The following FAM114A1 variants were observed in gnomAD, a reference collection of about 807,000 sequenced individuals.
The protein encoded by FAM114A1 is family with sequence similarity 114 member A1.
A neutral mutation model predicts 64.3 loss-of-function variants in FAM114A1; 62 were observed. That is an observed-to-expected ratio of 0.96 (90% CI 0.79 to 1.19). The LOEUF (loss-of-function observed/expected upper bound fraction) is 1.19, where lower values mean the gene tolerates loss of function less well. Ranked by LOEUF, FAM114A1 falls within the 50% of genes most tolerant of loss-of-function variation. The pLI is 0.00. For missense variants in FAM114A1, 645 were observed against 676.3 expected (o/e 0.95, Z 0.51); for synonymous variants, 254 against 251.1 (o/e 1.01, Z -0.11).
At chr4:38,869,616 C>G (rs903883806) in intron 2 of FAM114A1, among the ~76,000 whole-genome samples, 3 of 152,174 alleles carry the variant, frequency 2.0e-5, no homozygotes, top group African/African-American at 7.2e-5. Flanking sequence ...GGTACGTAGA[C>G]TTGTCAAGCT....
chr4:38,933,063 A>G (rs1014589732), intron 12 of FAM114A1, among the ~76,000 whole-genome samples: 1 of 152,104 alleles, frequency 6.6e-6, no homozygotes, highest in African/African-American at 2.4e-5. Flanking sequence ...CATGTTGGCC[A>G]GGATGGTCTC....
At chr4:38,879,438 T>G (rs1398447825) in intron 3 of FAM114A1, among the ~76,000 whole-genome samples, 1 of 152,222 alleles carries the variant, frequency 6.6e-6, no homozygotes, top group Non-Finnish European at 1.5e-5. Flanking sequence ...CTAATGTCTC[T>G]GCGCTTCAGG....
At chr4:38,903,531 T>C (rs971048805) in intron 4 of FAM114A1, among the ~76,000 whole-genome samples, 1 of 152,166 alleles carries the variant, frequency 6.6e-6, no homozygotes. Flanking sequence ...AGGTTGAGAT[T>C]TGGAGGCACA....
chr4:38,867,986 A>G (rs761049017), intron 1 of FAM114A1, 152 bp downstream of exon 1: 2 of 388,910 alleles, frequency 5.1e-6, no homozygotes, highest in African/African-American at 2.2e-5. Flanking sequence ...AGCAGTGGTC[A>G]GGGAGGACCC....
rs1022518258 is a variant in FAM114A1, at chr4:38,910,261, G to A, written c.792+1535G>A. On this transcript the variant is annotated intron_variant, in intron 7 of 14. Coordinates refer to ENST00000358869, the MANE Select transcript of FAM114A1 (RefSeq NM_138389.4). ...CTCAAAAAAAAAAAAGAAGAGAAAG[G>A]AAAATAGATTAGTATTAGTTAGGTA... 7.9e-5 allele frequency among the ~76,000 whole-genome samples: 12 copies of A among 152,004 alleles called. No homozygotes were observed. The East Asian group carries it at 2.3e-3, about 29-fold the overall frequency.
intron 13 of FAM114A1, among the ~76,000 whole-genome samples, chr4:38,937,778 AGGCTGGAGTGCAGT>A (rs1361649354): frequency 6.6e-6 from 1 of 152,122 alleles, no homozygotes; most frequent in Non-Finnish European, 1.5e-5. Context: ...TCTGTCGCCC[AGGCTGGAGTGCAGT>A]GGCGCGATCT....
intron 4 of FAM114A1, among the ~76,000 whole-genome samples, chr4:38,896,366 A>T (rs1242934009): frequency 6.6e-6 from 1 of 152,198 alleles, no homozygotes; most frequent in African/African-American, 2.4e-5. Context: ...CTGTGACTTT[A>T]TGTAGTAATA....
At chr4:38,885,375 A>G (rs1310800197) in intron 3 of FAM114A1, among the ~76,000 whole-genome samples, 1 of 152,152 alleles carries the variant, frequency 6.6e-6, no homozygotes, top group Non-Finnish European at 1.5e-5. Flanking sequence ...TCTTGCATTC[A>G]AGTGATCCTC....
chr4:38,871,092 T>C (rs1210754677), intron 2 of FAM114A1, among the ~76,000 whole-genome samples: 16 of 143,222 alleles, frequency 1.1e-4, no homozygotes, highest in African/African-American at 3.1e-4. Context: ...CTTTCTTTTT[T>C]TTTTTTTTTT....
intron 3 of FAM114A1, among the ~76,000 whole-genome samples, chr4:38,889,049 A>G (rs1373247643): frequency 1.3e-5 from 2 of 152,234 alleles, no homozygotes; most frequent in East Asian, 3.8e-4. Context: ...AAGCAATTGA[A>G]GTAGTCACTT....
At chr4:38,871,308 T>C (rs1254748770) in intron 2 of FAM114A1, among the ~76,000 whole-genome samples, 1 of 151,928 alleles carries the variant, frequency 6.6e-6, no homozygotes. Context: ...GGCAGGCTGG[T>C]CTGGAACTCC....
chr4:38,941,107 A>C, intron 14 of FAM114A1, 86 bp downstream of exon 14: 1 of 1,212,550 alleles, frequency 8.2e-7, no homozygotes, highest in Non-Finnish European at 1.2e-6. Context: ...CTTCCCCCAC[A>C]GCAAATGTTA....
Position 38,932,232 on chromosome 4 carries a change from C to T in FAM114A1, c.1324-3C>T, listed in dbSNP as rs993986142. On this transcript the variant is annotated splice_polypyrimidine_tract_variant and splice_region_variant and intron_variant, in intron 11 of 14. Transcript: ENST00000358869. Reference sequence around the variant, plus strand: ...ATTTCTTGCTTGTGTCTATTCATTTCAGGAAGTATACATGTCGTCCATTGA... The same window carrying T: ...ATTTCTTGCTTGTGTCTATTCATTTTAGGAAGTATACATGTCGTCCATTGA... The T allele has an allele frequency of 1.3e-6, 2 of 1,589,228 alleles. No individual in the cohort carries two copies. The highest frequency in any genetic ancestry group is 1.4e-5 in the African/African-American group (1 of 73,206).
At chr4:38,929,362 G>T (rs190866449) in intron 10 of FAM114A1, 29 bp downstream of exon 10, 1 of 1,503,996 alleles carries the variant, frequency 6.6e-7, no homozygotes, top group Admixed American at 1.9e-5. Context: ...ATAGTTTCTG[G>T]TTAAAAAAAA....
chr4:38,906,387 G>A (rs1241567373), intron 6 of FAM114A1, among the ~76,000 whole-genome samples: 4 of 150,256 alleles, frequency 2.7e-5, no homozygotes, highest in Admixed American at 7.0e-5. Flanking sequence ...CACCCTAAGT[G>A]TATCCCCCTA....
At chr4:38,924,767 T>C (rs1204418480) in intron 9 of FAM114A1, among the ~76,000 whole-genome samples, 1 of 152,168 alleles carries the variant, frequency 6.6e-6, no homozygotes, top group South Asian at 2.1e-4. Flanking sequence ...TCAAAGGTCA[T>C]GTAGCTCGCC....
intron 4 of FAM114A1, among the ~76,000 whole-genome samples, chr4:38,904,297 C>T (rs1717784071): frequency 1.3e-5 from 2 of 152,210 alleles, no homozygotes; most frequent in Non-Finnish European, 2.9e-5. Flanking sequence ...ATTCCTTCAA[C>T]AGTTTGACAA....
intron 4 of FAM114A1, among the ~76,000 whole-genome samples, chr4:38,904,105 G>A (rs112096284): frequency 0.027 from 4,167 of 152,202 alleles, 70 homozygotes; most frequent in Middle Eastern, 0.12. Flanking sequence ...TTGGGACTTG[G>A]GACGTTTTTC....
rs1002606504 is a variant in FAM114A1, at chr4:38,934,002, T to C, written c.1463+1628T>C. On this transcript the variant is annotated intron_variant, in intron 12 of 14. Transcript: ENST00000358869. ...TAGTCTAGATTTCCATATCTAAGGATATAAAAATCAAAGTTATTATAAGAA... is the reference window on the plus strand; with the variant it reads ...TAGTCTAGATTTCCATATCTAAGGACATAAAAATCAAAGTTATTATAAGAA... Among the ~76,000 whole-genome samples, 4 of 152,230 alleles carry C rather than the reference T, an allele frequency of 2.6e-5. No homozygotes were observed. In the South Asian group the frequency reaches 8.3e-4, roughly 31 times the overall value.
Sources: gnomAD v4.1 joint callset for allele counts (sites outside exome capture counted in the v4.1 genomes callset) on GRCh38, gnomAD v4.1.1 for gene constraint, MANE v1.5 for transcripts, NCBI Gene and HGNC (gene_info 2026-07-23, HGNC 2026-07-21) for gene names.